GALNT13: variants seen among roughly 807,000 people sequenced by gnomAD.
GALNT13 encodes UDP-GalNAc:polypeptide N-acetylgalactosaminyltransferase 13.
A neutral mutation model predicts 64.2 loss-of-function variants in GALNT13; 28 were observed. That is an observed-to-expected ratio of 0.44 (90% CI 0.32 to 0.60). The LOEUF is 0.60. Among genes scored for constraint, GALNT13 ranks in the 20% least tolerant of loss-of-function variants. GALNT13 has a pLI of 0.05. For missense variants in GALNT13, 577 were observed against 669.8 expected (o/e 0.86, Z 1.53); for synonymous variants, 214 against 224.6 (o/e 0.95, Z 0.42).
chr2:154,424,871 AACTAAATAG>A (rs1383922220), intron 11 of GALNT13, among the ~76,000 whole-genome samples: 2 of 152,214 alleles, frequency 1.3e-5, no homozygotes, highest in African/African-American at 4.8e-5. Flanking sequence ...GGGGAACCCA[AACTAAATAG>A]ACCCTGCTCT....
chr2:153,379,806 GC>G, the GALNT13 span, among the ~76,000 whole-genome samples: 1 of 152,028 alleles, frequency 6.6e-6, no homozygotes, highest in African/African-American at 2.4e-5. Context: ...TATCCATTAT[GC>G]ATATGAAACT....
chr2:153,983,090 C>G (rs2105164477), intron 3 of GALNT13, among the ~76,000 whole-genome samples: 1 of 151,972 alleles, frequency 6.6e-6, no homozygotes, highest in Non-Finnish European at 1.5e-5. Context: ...TGAAATAAGT[C>G]TATTCTGTTT....
intron 9 of GALNT13, among the ~76,000 whole-genome samples, chr2:154,346,992 A>T (rs1333571204): frequency 6.6e-6 from 1 of 150,556 alleles, no homozygotes; most frequent in Non-Finnish European, 1.5e-5. Flanking sequence ...CAAAGCTGTT[A>T]ATCTAATATC....
At chr2:154,252,744 TAGATAGATA>T (rs2105890601) in intron 7 of GALNT13, among the ~76,000 whole-genome samples, 1 of 148,222 alleles carries the variant, frequency 6.7e-6, no homozygotes, top group African/African-American at 2.5e-5. Flanking sequence ...GATAGATAGA[TAGATAGATA>T]GATAGATAGA....
At chr2:153,435,025 T>A in the GALNT13 span, among the ~76,000 whole-genome samples, 51 of 152,228 alleles carry the variant, frequency 3.4e-4, no homozygotes, top group Admixed American at 7.2e-4. Context: ...AAGGAAGGGA[T>A]CCAGTTTCAG....
chr2:153,667,444 A>T, the GALNT13 span, among the ~76,000 whole-genome samples: 2 of 152,196 alleles, frequency 1.3e-5, no homozygotes, highest in East Asian at 3.9e-4. Context: ...GAACCTCTAC[A>T]ATCCAGAAGA....
intron 1 of GALNT13, among the ~76,000 whole-genome samples, chr2:153,892,193 C>T (rs1240574866): frequency 6.6e-6 from 1 of 151,954 alleles, no homozygotes; most frequent in East Asian, 1.9e-4. Context: ...TCTCATTGTT[C>T]CTCTGAGACC....
the GALNT13 span, among the ~76,000 whole-genome samples, chr2:153,570,407 AAAT>A: frequency 0.012 from 1,898 of 152,144 alleles, 42 homozygotes; most frequent in African/African-American, 0.043. Flanking sequence ...TTATTTAAGC[AAAT>A]AATAACTTTG....
At chr2:153,166,698 TC>T in the GALNT13 span, among the ~76,000 whole-genome samples, 1 of 149,968 alleles carries the variant, frequency 6.7e-6, no homozygotes, top group South Asian at 2.1e-4. Context: ...TGGTAGGTTC[TC>T]AGATACTCTC....
chr2:154,284,930 T>C (rs550707349), intron 8 of GALNT13, among the ~76,000 whole-genome samples: 1 of 152,312 alleles, frequency 6.6e-6, no homozygotes, highest in East Asian at 1.9e-4. Flanking sequence ...TTCTAATAGA[T>C]GTGAGGTGAT....
chr2:153,450,920 A>G, the GALNT13 span, among the ~76,000 whole-genome samples: 1 of 152,196 alleles, frequency 6.6e-6, no homozygotes, highest in Admixed American at 6.5e-5. Context: ...ACATGATACA[A>G]TATTTTAGTT....
intron 3 of GALNT13, among the ~76,000 whole-genome samples, chr2:154,096,948 C>T (rs555109062): frequency 2.0e-5 from 3 of 151,882 alleles, no homozygotes; most frequent in East Asian, 3.9e-4. Flanking sequence ...TATTTTTGTC[C>T]TTTGGGAGAA....
At chr2:153,136,788 T>C in the GALNT13 span, among the ~76,000 whole-genome samples, 1 of 151,910 alleles carries the variant, frequency 6.6e-6, no homozygotes, top group Non-Finnish European at 1.5e-5. Context: ...ATAGGGAGGA[T>C]GTGTGGGTTA....
chr2:154,046,487 A>G (rs769637274), intron 3 of GALNT13, among the ~76,000 whole-genome samples: 7 of 152,188 alleles, frequency 4.6e-5, no homozygotes, highest in Non-Finnish European at 1.0e-4. Flanking sequence ...TTTGTCTAAT[A>G]CCTAACAAAC....
chr2:153,407,559 T>G, the GALNT13 span, among the ~76,000 whole-genome samples: 1 of 152,188 alleles, frequency 6.6e-6, no homozygotes, highest in Non-Finnish European at 1.5e-5. Flanking sequence ...AGCTCACATC[T>G]GCTAGACCCA....
At chr2:153,589,612 T>TA in the GALNT13 span, among the ~76,000 whole-genome samples, 1 of 152,196 alleles carries the variant, frequency 6.6e-6, no homozygotes, top group Non-Finnish European at 1.5e-5. Context: ...TTAATGGACT[T>TA]ACAATTCCAC....
At chr2:153,586,252 T>C in the GALNT13 span, among the ~76,000 whole-genome samples, 3 of 152,122 alleles carry the variant, frequency 2.0e-5, no homozygotes, top group African/African-American at 7.2e-5. Context: ...AAGATATAAA[T>C]TGATTGAATG....
At chr2:153,973,964 C>T (rs1312570111) in intron 3 of GALNT13, among the ~76,000 whole-genome samples, 1 of 151,956 alleles carries the variant, frequency 6.6e-6, no homozygotes, top group African/African-American at 2.4e-5. Flanking sequence ...AATAGGTCCA[C>T]ATCTCAAGCT....
intron 7 of GALNT13, among the ~76,000 whole-genome samples, chr2:154,257,184 T>G (rs1690425477): frequency 6.6e-6 from 1 of 152,156 alleles, no homozygotes; most frequent in Admixed American, 6.5e-5. Context: ...TAAAAGTTAT[T>G]TGAGTCTTTC....
Sources: gnomAD v4.1 joint callset for allele counts (sites outside exome capture counted in the v4.1 genomes callset) on GRCh38, gnomAD v4.1.1 for gene constraint, MANE v1.5 for transcripts, NCBI Gene and HGNC (gene_info 2026-07-23, HGNC 2026-07-21) for gene names.